Variants in MYO3B observed in about 807,000 individuals in gnomAD.
MYO3B encodes the protein myosin IIIB.
MYO3B carries 156 observed loss-of-function variants against 174.6 expected under a neutral mutation model. The observed-to-expected ratio is 0.89, with a 90% CI of 0.78 to 1.02. The LOEUF (loss-of-function observed/expected upper bound fraction) is 1.02, where lower values mean the gene tolerates loss of function less well. Among genes scored for constraint, MYO3B ranks in the 50% least tolerant of loss-of-function variants. MYO3B has a pLI of 0.00. For missense variants in MYO3B, 1,632 were observed against 1,639.4 expected (o/e 1.00, Z 0.08); for synonymous variants, 563 against 569.1 (o/e 0.99, Z 0.15).
intron 9 of MYO3B, among the ~76,000 whole-genome samples, chr2:170,373,770 A>C (rs2094266270): frequency 1.3e-5 from 2 of 151,956 alleles, no homozygotes; most frequent in African/African-American, 4.8e-5. Context: ...GTTAGATAAA[A>C]GTACTCAGAA....
intron 22 of MYO3B, among the ~76,000 whole-genome samples, chr2:170,436,511 A>T (rs2094755254): frequency 6.6e-6 from 1 of 152,170 alleles, no homozygotes; most frequent in South Asian, 2.1e-4. Context: ...CTGGGCTATT[A>T]ATCACAGTTT....
intron 22 of MYO3B, among the ~76,000 whole-genome samples, chr2:170,439,926 TG>T (rs1446758142): frequency 6.6e-6 from 1 of 152,200 alleles, no homozygotes; most frequent in African/African-American, 2.4e-5. Context: ...GTGATCCGCC[TG>T]CCTCAGCTTC....
intron 15 of MYO3B, 116 bp from the exon 16 acceptor site, chr2:170,392,265 G>C: frequency 1.6e-6 from 1 of 610,376 alleles, no homozygotes; most frequent in South Asian, 2.6e-5. Context: ...TGCACTTCAG[G>C]CTGGGCAACA....
intron 8 of MYO3B, among the ~76,000 whole-genome samples, chr2:170,362,278 A>G (rs1485940332): frequency 6.6e-6 from 1 of 152,050 alleles, no homozygotes; most frequent in Non-Finnish European, 1.5e-5. Flanking sequence ...CTTTATCCCC[A>G]AGTTTCCTGC....
chr2:170,631,048 G>A (rs903558379), intron 32 of MYO3B, among the ~76,000 whole-genome samples: 1 of 152,228 alleles, frequency 6.6e-6, no homozygotes, highest in African/African-American at 2.4e-5. Context: ...AAGCTGGACG[G>A]AGAATGACTT....
At chr2:170,401,275 A>T (rs531826881) in intron 17 of MYO3B, among the ~76,000 whole-genome samples, 1 of 152,164 alleles carries the variant, frequency 6.6e-6, no homozygotes, top group South Asian at 2.1e-4. Flanking sequence ...TTCATCAAGC[A>T]TCTATGAAGT....
At chr2:170,597,830 G>C (rs1329990565) in intron 32 of MYO3B, among the ~76,000 whole-genome samples, 1 of 152,064 alleles carries the variant, frequency 6.6e-6, no homozygotes, top group Non-Finnish European at 1.5e-5. Context: ...TAACTAAAAA[G>C]CTTCACATTC....
chr2:170,402,805 G>A, intron 18 of MYO3B, 43 bp from the exon 19 acceptor site: 2 of 1,542,342 alleles, frequency 1.3e-6, no homozygotes, highest in South Asian at 2.5e-5. Flanking sequence ...CTTTAGGTGG[G>A]TGTTTCCTCC....
intron 32 of MYO3B, among the ~76,000 whole-genome samples, chr2:170,641,943 T>C (rs1698006313): frequency 6.6e-6 from 1 of 151,014 alleles, no homozygotes; most frequent in African/African-American, 2.4e-5. Flanking sequence ...AGAATACATA[T>C]TCCTGTAAAG....
At chr2:170,242,403 GGACTT>G (rs1043123346) in intron 7 of MYO3B, among the ~76,000 whole-genome samples, 13 of 152,264 alleles carry the variant, frequency 8.5e-5, no homozygotes, top group African/African-American at 3.1e-4. Context: ...TCTGGGCCCA[GGACTT>G]GACACTCCCT....
At chr2:170,546,892 T>A (rs1456440175) in intron 32 of MYO3B, among the ~76,000 whole-genome samples, 3 of 152,106 alleles carry the variant, frequency 2.0e-5, no homozygotes, top group Non-Finnish European at 4.4e-5. Flanking sequence ...CGTTATTCTA[T>A]GAAGGGGTCT....
chr2:170,591,249 T>C (rs950562261), intron 32 of MYO3B, among the ~76,000 whole-genome samples: 3 of 152,222 alleles, frequency 2.0e-5, no homozygotes, highest in Non-Finnish European at 4.4e-5. Flanking sequence ...AGTATCAATA[T>C]GTGTCTGCAA....
rs951545262 is a variant in MYO3B, at chr2:170,573,233, A to G, written c.3733+29245A>G. Among the ~76,000 whole-genome samples, 8 of 149,898 alleles carry G rather than the reference A, an allele frequency of 5.3e-5. No homozygotes were observed. In the East Asian group the frequency reaches 1.2e-3, roughly 22 times the overall value. ...ACATATATGTATACTGTGTGTATAT[A>G]TATATATATATATATATGTATGCTA... On this transcript the variant is annotated intron_variant, in intron 32 of 34. Coordinates refer to ENST00000408978, the MANE Select transcript of MYO3B (RefSeq NM_138995.5).
At chr2:170,593,538 C>T (rs1230312573) in intron 32 of MYO3B, among the ~76,000 whole-genome samples, 2 of 152,246 alleles carry the variant, frequency 1.3e-5, no homozygotes, top group Non-Finnish European at 1.5e-5. Flanking sequence ...AAAGCTACAT[C>T]ACCAAGCTGA....
At chr2:170,514,850 T>G in intron 28 of MYO3B, 71 bp from the exon 29 acceptor site, 1 of 1,356,160 alleles carries the variant, frequency 7.4e-7, no homozygotes, top group Non-Finnish European at 1.0e-6. Flanking sequence ...CCAACTTGTA[T>G]CACCCAGTTT....
intron 32 of MYO3B, among the ~76,000 whole-genome samples, chr2:170,579,862 C>T (rs1037566528): frequency 1.1e-4 from 16 of 152,240 alleles, no homozygotes; most frequent in African/African-American, 3.4e-4. Flanking sequence ...GATGACCGTA[C>T]ATTATCCTGT....
In MYO3B at chr2:170,490,323, C is replaced by T. The variant is rs190290454; in HGVS notation, c.3015-8269C>T. 1.7e-3 allele frequency among the ~76,000 whole-genome samples: 262 copies of T among 152,182 alleles called. 2 individuals carry two copies. Among genetic ancestry groups the T allele is most frequent in the African/African-American group, 5.9e-3 (247 of 41,520 alleles). On this transcript the variant is annotated intron_variant, in intron 25 of 34. Coordinates refer to ENST00000408978, the MANE Select transcript of MYO3B (RefSeq NM_138995.5). Reference sequence around the variant, plus strand: ...GATTACAGGCGTGAGCCACCGCACCCGGCCTCATTTTCAGTTTCTAATTGT... The same window carrying T: ...GATTACAGGCGTGAGCCACCGCACCTGGCCTCATTTTCAGTTTCTAATTGT...
At chr2:170,525,610 G>A (rs112486086) in intron 30 of MYO3B, among the ~76,000 whole-genome samples, 3 of 152,286 alleles carry the variant, frequency 2.0e-5, no homozygotes, top group African/African-American at 7.2e-5. Context: ...CCTTCAATGA[G>A]GATTCAGATT....
chr2:170,457,959 G>A (rs1313088282), intron 23 of MYO3B, among the ~76,000 whole-genome samples: 1 of 152,102 alleles, frequency 6.6e-6, no homozygotes, highest in African/African-American at 2.4e-5. Context: ...TCACTTCGTT[G>A]GCCAGGCTGG....
Sources: allele counts gnomAD v4.1 joint callset (sites outside exome capture counted in the v4.1 genomes callset), GRCh38; gene constraint gnomAD v4.1.1; transcripts MANE v1.5; gene names NCBI Gene and HGNC (gene_info 2026-07-23, HGNC 2026-07-21).